Variants in TMEM229B observed in about 807,000 individuals in gnomAD.
TMEM229B encodes the protein chromosome 14 open reading frame 83.
TMEM229B carries 6 observed loss-of-function variants against 13.7 expected under a neutral mutation model. The observed-to-expected ratio is 0.44, with a 90% CI of 0.24 to 0.86. The LOEUF (loss-of-function observed/expected upper bound fraction) is 0.86, where lower values mean the gene tolerates loss of function less well. TMEM229B is among the 40% of genes least tolerant of loss of function. TMEM229B has a pLI of 0.23. For synonymous variants in TMEM229B, 107 were observed against 102.1 expected (o/e 1.05, Z -0.29); for missense variants, 170 against 236.0 (o/e 0.72, Z 1.83).
intron 1 of TMEM229B, among the ~76,000 whole-genome samples, chr14:67,520,860 G>C (rs902938845): frequency 2.0e-5 from 3 of 152,254 alleles, no homozygotes; most frequent in African/African-American, 7.2e-5. Flanking sequence ...TGTGTGGTGA[G>C]AGTATGTTTA....
At chr14:67,533,567 T>G (rs1224958885) in intron 1 of TMEM229B, 1 of 151,830 alleles carries the variant, frequency 6.6e-6, no homozygotes, top group Non-Finnish European at 1.5e-5. Context: ...AGCGCGGGTC[T>G]GGCTTGGGAA....
At chr14:67,519,469 T>C (rs1274375119), upstream of TMEM229B, among the ~76,000 whole-genome samples, 1 of 151,844 alleles carries the variant, frequency 6.6e-6, no homozygotes, top group Non-Finnish European at 1.5e-5. Flanking sequence ...GCATAAAGAG[T>C]CAAATTTGCC....
In TMEM229B at chr14:67,470,272, A is replaced by G. The variant is rs1057350506; in HGVS notation, c.*3148T>C. 1 of 152,286 alleles carries G rather than the reference A, an allele frequency of 6.6e-6. No homozygotes were observed. The highest frequency in any genetic ancestry group is 1.5e-5 in the Non-Finnish European group (1 of 68,078). The allele number at this position is 152,286 out of a possible 1,614,324, so 9.4% of individuals were successfully genotyped here. A position where few individuals can be genotyped will look rare whatever the true frequency, so the allele number is the denominator to read the frequency against. ...ACAGATGGGCCAGAGCCAGTCCTGG[A>G]ACACAAACACCAGTATATTTTATGT... is the stretch of plus-strand genomic sequence containing the variant. On this transcript the variant is annotated 3_prime_UTR_variant, in exon 3 of 3. Transcript: ENST00000554480.
At chr14:67,497,757 GAA>G (rs1233831003) in intron 1 of TMEM229B, among the ~76,000 whole-genome samples, 1 of 151,958 alleles carries the variant, frequency 6.6e-6, no homozygotes, top group East Asian at 1.9e-4. Context: ...CAGCATTTTG[GAA>G]AGTCACGTCA....
chr14:67,493,283 C>T (rs112967433), upstream of TMEM229B, among the ~76,000 whole-genome samples: 115 of 152,294 alleles, frequency 7.6e-4, no homozygotes, highest in African/African-American at 2.1e-3. Flanking sequence ...CACCCAAACA[C>T]GCCCAAGCAT....
At chr14:67,489,832 C>T (rs1241390873), upstream of TMEM229B, among the ~76,000 whole-genome samples, 2 of 152,138 alleles carry the variant, frequency 1.3e-5, no homozygotes, top group Non-Finnish European at 1.5e-5. Flanking sequence ...CTACTAAAAG[C>T]ACAAAAAATT....
At chr14:67,481,119 C>A (rs1392963522) in intron 2 of TMEM229B, among the ~76,000 whole-genome samples, 1 of 151,978 alleles carries the variant, frequency 6.6e-6, no homozygotes, top group Non-Finnish European at 1.5e-5. Context: ...AGCGAGACCA[C>A]CATCTCTACA....
At chr14:67,485,693 G>C (rs1039613982) in intron 2 of TMEM229B, among the ~76,000 whole-genome samples, 1 of 152,234 alleles carries the variant, frequency 6.6e-6, no homozygotes, top group Non-Finnish European at 1.5e-5. Context: ...TGGGGGTTGG[G>C]AAAGCAGCCA....
intron 1 of TMEM229B, among the ~76,000 whole-genome samples, chr14:67,498,173 T>C (rs769605229): frequency 6.6e-6 from 1 of 152,164 alleles, no homozygotes; most frequent in Non-Finnish European, 1.5e-5. Flanking sequence ...CTGTTCCCGA[T>C]CCATTCATTC....
chr14:67,521,702 G>A (rs2033293373), intron 1 of TMEM229B, among the ~76,000 whole-genome samples: 1 of 152,164 alleles, frequency 6.6e-6, no homozygotes, highest in South Asian at 2.1e-4. Context: ...TGTGCACTAA[G>A]ACAGCCCTGA....
At chr14:67,509,830 G>A (rs1427832032) in intron 1 of TMEM229B, among the ~76,000 whole-genome samples, 1 of 151,978 alleles carries the variant, frequency 6.6e-6, no homozygotes, top group Non-Finnish European at 1.5e-5. Flanking sequence ...AACATAGCGA[G>A]TTATAAAGAC....
intron 1 of TMEM229B, among the ~76,000 whole-genome samples, chr14:67,498,262 A>G (rs952944004): frequency 2.4e-4 from 36 of 152,266 alleles, no homozygotes; most frequent in African/African-American, 8.4e-4. Flanking sequence ...AAGACGTTCT[A>G]TAAGCTTCTG....
intron 1 of TMEM229B, among the ~76,000 whole-genome samples, chr14:67,524,161 A>C (rs2033332631): frequency 6.6e-6 from 1 of 151,942 alleles, no homozygotes; most frequent in South Asian, 2.1e-4. Flanking sequence ...AATAAGTGAA[A>C]TCTCATATGT....
intron 1 of TMEM229B, among the ~76,000 whole-genome samples, chr14:67,522,415 C>T (rs1001364314): frequency 5.9e-5 from 9 of 152,146 alleles, no homozygotes; most frequent in Non-Finnish European, 1.0e-4. Context: ...GCTTAGTCGT[C>T]TGAGGGGGGA....
Position 67,496,345 on chromosome 14 carries a change from G to A in TMEM229B, c.-191-9173C>T, listed in dbSNP as rs534966582. On this transcript the variant is annotated intron_variant, in intron 1 of 2. Transcript: ENST00000357461. ...TGGGCTCAAGTGATCCACCCATCTT[G>A]GCCTCCCAAAGTGCTGGGATTACAG... Among the ~76,000 whole-genome samples the A allele has an allele frequency of 9.9e-5, 14 of 141,126 alleles. No individual in the cohort carries two copies. In the East Asian group the frequency reaches 1.3e-3, roughly 13 times the overall value. The allele number at this position is 141,126 out of a possible 152,430, so 92.6% of individuals were successfully genotyped here.
At chr14:67,511,368 A>G (rs1318703951) in intron 1 of TMEM229B, among the ~76,000 whole-genome samples, 1 of 152,148 alleles carries the variant, frequency 6.6e-6, no homozygotes, top group African/African-American at 2.4e-5. Flanking sequence ...AAAACAAAAA[A>G]AACTGTCATG....
intron 1 of TMEM229B, among the ~76,000 whole-genome samples, chr14:67,529,365 T>A (rs1024442152): frequency 3.9e-5 from 6 of 152,166 alleles, no homozygotes; most frequent in African/African-American, 1.4e-4. Flanking sequence ...GCATGTCTAG[T>A]TCTAAAGCCT....
At chr14:67,485,809 C>T (rs1367460936) in intron 2 of TMEM229B, among the ~76,000 whole-genome samples, 4 of 152,248 alleles carry the variant, frequency 2.6e-5, no homozygotes, top group African/African-American at 9.6e-5. Flanking sequence ...TCTCACCCTA[C>T]CTCGAGCTTG....
At chr14:67,501,069 T>TAAG (rs1247364887) in intron 1 of TMEM229B, among the ~76,000 whole-genome samples, 1 of 147,786 alleles carries the variant, frequency 6.8e-6, no homozygotes, top group African/African-American at 2.5e-5. Flanking sequence ...ATAATAATAA[T>TAAG]AATAATAATA....
Sources: gnomAD v4.1 joint callset for allele counts (sites outside exome capture counted in the v4.1 genomes callset) on GRCh38, gnomAD v4.1.1 for gene constraint, MANE v1.5 for transcripts, NCBI Gene and HGNC (gene_info 2026-07-23, HGNC 2026-07-21) for gene names.